Variants in AKAP19 observed in about 807,000 individuals in gnomAD.
The protein encoded by AKAP19 is A-kinase anchoring protein 19, also known as small A-kinase anchoring protein.
At chr2:190,056,875 T>C in the AKAP19 span, 1 of 224,992 alleles carries the variant, frequency 4.4e-6, no homozygotes, top group African/African-American at 2.3e-5. Flanking sequence ...TTACCAATAC[T>C]GTATGTGGAT....
the AKAP19 span, among the ~76,000 whole-genome samples, chr2:190,071,190 G>A: frequency 9.5e-4 from 144 of 152,284 alleles, 1 homozygote; most frequent in Middle Eastern, 3.4e-3. Context: ...GCTCACACCT[G>A]TAATCCCAGT....
chr2:190,054,861 C>T, the AKAP19 span, among the ~76,000 whole-genome samples: 25 of 152,166 alleles, frequency 1.6e-4, no homozygotes, highest in Non-Finnish European at 3.4e-4. Flanking sequence ...GAAATAGGAA[C>T]AATTTTACAC....
chr2:190,181,757 G>T, the AKAP19 span, among the ~76,000 whole-genome samples: 2 of 152,220 alleles, frequency 1.3e-5, no homozygotes, highest in South Asian at 2.1e-4. Context: ...TAGTGTATGT[G>T]GCAGCTCTCT....
chr2:190,074,163 A>G, the AKAP19 span, among the ~76,000 whole-genome samples: 1 of 152,282 alleles, frequency 6.6e-6, no homozygotes, highest in Non-Finnish European at 1.5e-5. Flanking sequence ...CAAATTTAAA[A>G]TGCCTTTCTC....
chr2:190,107,820 A>T, the AKAP19 span, among the ~76,000 whole-genome samples: 1 of 152,234 alleles, frequency 6.6e-6, no homozygotes, highest in Non-Finnish European at 1.5e-5. Flanking sequence ...TAGCATCAAA[A>T]ATATTTATGT....
chr2:190,083,791 G>A, the AKAP19 span, among the ~76,000 whole-genome samples: 1 of 152,142 alleles, frequency 6.6e-6, no homozygotes, highest in Non-Finnish European at 1.5e-5. Context: ...TGTCACTGCT[G>A]CCTTACTCCC....
chr2:190,070,847 A>T, the AKAP19 span, among the ~76,000 whole-genome samples: 1 of 152,220 alleles, frequency 6.6e-6, no homozygotes, highest in Non-Finnish European at 1.5e-5. Context: ...GGTAAAATTC[A>T]AATACTTGAT....
the AKAP19 span, among the ~76,000 whole-genome samples, chr2:189,934,585 C>T: frequency 6.6e-6 from 1 of 150,580 alleles, no homozygotes; most frequent in African/African-American, 2.5e-5. Context: ...TTAAGGGTGC[C>T]CTTTTAATAT....
At chr2:190,004,487 T>TTATTAG in the AKAP19 span, among the ~76,000 whole-genome samples, 1 of 151,856 alleles carries the variant, frequency 6.6e-6, no homozygotes, top group South Asian at 2.1e-4. Context: ...CCTATTATTA[T>TTATTAG]TCTCCAGCAG....
the AKAP19 span, among the ~76,000 whole-genome samples, chr2:190,171,846 G>A: frequency 6.6e-6 from 1 of 152,018 alleles, no homozygotes; most frequent in African/African-American, 2.4e-5. Flanking sequence ...CAGGCATTAC[G>A]GTAGGCCAGG....
the AKAP19 span, among the ~76,000 whole-genome samples, chr2:190,015,078 C>T: frequency 6.6e-6 from 1 of 152,186 alleles, no homozygotes; most frequent in Non-Finnish European, 1.5e-5. Context: ...GTCGGTTGAT[C>T]TGTCATCCTG....
chr2:189,983,088 G>T, the AKAP19 span, among the ~76,000 whole-genome samples: 1 of 152,144 alleles, frequency 6.6e-6, no homozygotes, highest in African/African-American at 2.4e-5. Flanking sequence ...TATCATGTTG[G>T]GGTGCATTGA....
chr2:189,983,915 C>T, the AKAP19 span, among the ~76,000 whole-genome samples: 19 of 152,070 alleles, frequency 1.2e-4, no homozygotes, highest in Admixed American at 8.5e-4. Flanking sequence ...TGGTAGGATC[C>T]GTGATGCCCC....
the AKAP19 span, among the ~76,000 whole-genome samples, chr2:190,086,382 G>T: frequency 6.6e-6 from 1 of 152,180 alleles, no homozygotes; most frequent in African/African-American, 2.4e-5. Flanking sequence ...GCAGGAAGAT[G>T]ACGAATCTCC....
chr2:190,125,400 G>A, the AKAP19 span, among the ~76,000 whole-genome samples: 3 of 152,144 alleles, frequency 2.0e-5, 1 homozygote, highest in Admixed American at 2.0e-4. Flanking sequence ...TGCCCTGTAT[G>A]TAATTCAGAG....
the AKAP19 span, among the ~76,000 whole-genome samples, chr2:190,140,270 G>A: frequency 2.6e-5 from 4 of 152,166 alleles, no homozygotes; most frequent in East Asian, 1.9e-4. Flanking sequence ...CCAGATACAC[G>A]GTGCAAGCTC....
chr2:190,047,809 T>C, the AKAP19 span, among the ~76,000 whole-genome samples: 8 of 152,210 alleles, frequency 5.3e-5, no homozygotes, highest in African/African-American at 1.9e-4. Context: ...AGTCAACTAA[T>C]GTAATGATAG....
At chr2:189,966,183 G>T in the AKAP19 span, among the ~76,000 whole-genome samples, 1 of 150,442 alleles carries the variant, frequency 6.6e-6, no homozygotes, top group African/African-American at 2.4e-5. Context: ...TTGGGTACCT[G>T]GGGGGGAAAG....
chr2:190,058,654 C>T, the AKAP19 span, among the ~76,000 whole-genome samples: 2 of 151,844 alleles, frequency 1.3e-5, no homozygotes, highest in Admixed American at 1.3e-4. Flanking sequence ...TATATATACA[C>T]CATGGAATAC....
Sources: allele counts gnomAD v4.1 joint callset (sites outside exome capture counted in the v4.1 genomes callset), GRCh38; gene constraint gnomAD v4.1.1; transcripts MANE v1.5; gene names NCBI Gene and HGNC (gene_info 2026-07-23, HGNC 2026-07-21).